Variants in VPS13B observed in about 807,000 individuals in gnomAD.
The protein encoded by VPS13B is intermembrane lipid transfer protein VPS13B.
In VPS13B, 285 loss-of-function variants were observed where a neutral mutation model predicts 426.4. The ratio of observed to expected loss-of-function variants is 0.67; its 90% CI spans 0.61 to 0.74. The LOEUF (loss-of-function observed/expected upper bound fraction) is 0.74, where lower values mean the gene tolerates loss of function less well. VPS13B is among the 30% of genes least tolerant of loss of function. VPS13B has a pLI of 0.00. For synonymous variants in VPS13B, 1,676 were observed against 1,676.4 expected, an observed-to-expected ratio of 1.00 and a Z score of 0.01; for missense variants, 4,537 against 4,782.6, an observed-to-expected ratio of 0.95 and a Z score of 1.51.
intron 34 of VPS13B, among the ~76,000 whole-genome samples, chr8:99,657,470 T>TCTGTGTGTGTG (rs60760111): frequency 6.8e-6 from 1 of 146,908 alleles, no homozygotes; most frequent in Non-Finnish European, 1.5e-5. Context: ...ACTTTAAAAA[T>TCTGTGTGTGTG]TGTGTGTGTG....
chr8:99,106,704 G>T (rs1847068573), intron 5 of VPS13B, among the ~76,000 whole-genome samples: 1 of 152,012 alleles, frequency 6.6e-6, no homozygotes, highest in Non-Finnish European at 1.5e-5. Context: ...TGTATTTTGG[G>T]CCTAGATTAT....
chr8:99,393,218 A>G (rs1391857623), intron 21 of VPS13B, among the ~76,000 whole-genome samples: 1 of 152,148 alleles, frequency 6.6e-6, no homozygotes. Flanking sequence ...ATGCAATCAC[A>G]GATTTTGAAA....
At chr8:99,779,890 C>T (rs1297136276) in intron 42 of VPS13B, among the ~76,000 whole-genome samples, 2 of 152,140 alleles carry the variant, frequency 1.3e-5, no homozygotes, top group African/African-American at 2.4e-5. Context: ...GCTGGCTACC[C>T]GAGAGAAACG....
intron 20 of VPS13B, among the ~76,000 whole-genome samples, chr8:99,388,060 T>A (rs566024284): frequency 6.6e-6 from 1 of 152,328 alleles, no homozygotes; most frequent in South Asian, 2.1e-4. Flanking sequence ...TTATTAAAAA[T>A]TATACAATAG....
At chr8:99,716,906 C>G (rs1403070706) in intron 36 of VPS13B, among the ~76,000 whole-genome samples, 1 of 152,138 alleles carries the variant, frequency 6.6e-6, no homozygotes, top group African/African-American at 2.4e-5. Flanking sequence ...ATGAAAATGT[C>G]TCTACTCATA....
chr8:99,508,542 T>C (rs1041510966), intron 28 of VPS13B, among the ~76,000 whole-genome samples: 4 of 152,192 alleles, frequency 2.6e-5, no homozygotes, highest in African/African-American at 9.6e-5. Context: ...CTGATTTTAT[T>C]TTGAGCTTTT....
chr8:99,336,774 A>T (rs1444628011), intron 19 of VPS13B, among the ~76,000 whole-genome samples: 1 of 152,236 alleles, frequency 6.6e-6, no homozygotes, highest in Middle Eastern at 3.2e-3. Flanking sequence ...GCTGACTATC[A>T]CTGGCCATCA....
intron 39 of VPS13B, among the ~76,000 whole-genome samples, chr8:99,726,130 A>C (rs1209663587): frequency 6.6e-6 from 1 of 152,226 alleles, no homozygotes; most frequent in Non-Finnish European, 1.5e-5. Flanking sequence ...TGTAATGAAA[A>C]ATATAAACAT....
chr8:99,500,147 A>G (rs902365558), intron 25 of VPS13B, among the ~76,000 whole-genome samples: 1 of 152,176 alleles, frequency 6.6e-6, no homozygotes, highest in Non-Finnish European at 1.5e-5. Flanking sequence ...TCTATAAAAA[A>G]TGGAATACTG....
chr8:99,861,435 G>A (rs1444305593), intron 57 of VPS13B, among the ~76,000 whole-genome samples: 6 of 152,208 alleles, frequency 3.9e-5, no homozygotes, highest in Non-Finnish European at 2.9e-5. Flanking sequence ...CTGAGTAGCT[G>A]AGACTACAGG....
chr8:99,474,189 T>G (rs1819567841), intron 24 of VPS13B, among the ~76,000 whole-genome samples: 1 of 149,046 alleles, frequency 6.7e-6, no homozygotes, highest in Admixed American at 6.7e-5. Flanking sequence ...TCCAATTTTT[T>G]TTTTTTTTTT....
At position 99,143,108 on chromosome 8, in the gene VPS13B, A is replaced by C; in HGVS notation, c.1786A>C (p.Lys596Gln). ...LDSSAVHRIL[K>Q]MIVCALEHEY... is the part of the protein sequence containing the mutation. ...TAGCAGTGCGGTGCATAGGATTTTG[A>C]AAATGATTGTGTGTGCCTTGGAACA... The change falls in exon 13 of 62, where the codon AAA becomes CAA. Residue 596 changes from lysine (K) to glutamine (Q), a missense_variant. Around this residue, in one of 2 missense-constraint regions of VPS13B, gnomAD observed 4,311 missense variants for 4,474.3 expected, o/e 0.96. Transcript: ENST00000357162. 1.2e-6 allele frequency: 2 copies of C among 1,614,064 alleles called. No homozygotes were observed. Among genetic ancestry groups the C allele is most frequent in the Non-Finnish European group, 1.7e-6 (2 of 1,179,966 alleles).
intron 24 of VPS13B, among the ~76,000 whole-genome samples, chr8:99,474,545 A>G (rs1819591498): frequency 6.6e-6 from 1 of 152,170 alleles, no homozygotes; most frequent in Admixed American, 6.5e-5. Flanking sequence ...ACATAAAGAC[A>G]AATAATGGGG....
At chr8:99,398,838 T>G (rs1227841375) in intron 21 of VPS13B, among the ~76,000 whole-genome samples, 1 of 151,896 alleles carries the variant, frequency 6.6e-6, no homozygotes, top group South Asian at 2.1e-4. Context: ...TGCACTGTTT[T>G]AGAGAATCTA....
chr8:99,451,167 T>C (rs1313366144), intron 23 of VPS13B, among the ~76,000 whole-genome samples: 2 of 152,182 alleles, frequency 1.3e-5, no homozygotes, highest in East Asian at 3.9e-4. Flanking sequence ...TCTACAACTT[T>C]ACAGGTAAGG....
intron 19 of VPS13B, among the ~76,000 whole-genome samples, chr8:99,316,900 G>A (rs534110729): frequency 6.6e-6 from 1 of 152,188 alleles, no homozygotes; most frequent in South Asian, 2.1e-4. Context: ...ATTTTCTAAT[G>A]CACACAATTT....
At chr8:99,278,614 T>C (rs1819014053) in intron 19 of VPS13B, among the ~76,000 whole-genome samples, 1 of 152,200 alleles carries the variant, frequency 6.6e-6, no homozygotes, top group South Asian at 2.1e-4. Flanking sequence ...CTATACAACA[T>C]TTTCCCACCA....
In VPS13B at chr8:99,361,493, A is replaced by T. The variant is rs529444266; in HGVS notation, c.2825-22715A>T. Among the ~76,000 whole-genome samples the T allele has an allele frequency of 1.1e-3, 164 of 152,324 alleles. 1 individual carries two copies. Among genetic ancestry groups the T allele is most frequent in the African/African-American group, 3.7e-3 (155 of 41,578 alleles). On this transcript the variant is annotated intron_variant, in intron 19 of 61. Transcript: ENST00000357162. Reference sequence around the variant, plus strand: ...TTATTTTGTATGGCTTCCTTTAGGCATATATAGAAGCCAGTGTCCTTAAAG... The same window carrying T: ...TTATTTTGTATGGCTTCCTTTAGGCTTATATAGAAGCCAGTGTCCTTAAAG...
intron 3 of VPS13B, among the ~76,000 whole-genome samples, chr8:99,086,192 G>C (rs1421633669): frequency 1.3e-5 from 2 of 151,822 alleles, no homozygotes; most frequent in Non-Finnish European, 2.9e-5. Flanking sequence ...TTCTCTTCTG[G>C]CTTCATTTCA....
Sources: gnomAD v4.1 joint callset for allele counts (sites outside exome capture counted in the v4.1 genomes callset) on GRCh38, gnomAD v4.1.1 for gene constraint, gnomAD v4.1.1 regional missense constraint, MANE v1.5 for transcripts, NCBI Gene and HGNC (gene_info 2026-07-23, HGNC 2026-07-21) for gene names.